The following AFF3 variants were observed in gnomAD, a reference collection of about 807,000 sequenced individuals.
The protein encoded by AFF3 is AF4/FMR2 family member 3.
In AFF3, 32 loss-of-function variants were observed where a neutral mutation model predicts 129.7. The ratio of observed to expected loss-of-function variants is 0.25; its 90% CI spans 0.19 to 0.33. AFF3 has a LOEUF of 0.33. Ranked by LOEUF, AFF3 falls within the 10% of genes least tolerant of loss-of-function variation. The probability of loss-of-function intolerance (pLI) is 1.00; values close to 1 mark genes in which losing one functional copy is unlikely to be tolerated. For synonymous variants in AFF3, 644 were observed against 635.4 expected (o/e 1.01, Z -0.20); for missense variants, 1,373 against 1,592.0 (o/e 0.86, Z 2.34).
rs1275240173 is a variant in AFF3, at chr2:99,601,572, C to T, written c.1234G>A (p.Gly412Ser). The T allele has an allele frequency of 1.9e-6, 3 of 1,600,030 alleles. No homozygotes were observed. The highest frequency in any genetic ancestry group is 2.6e-6 in the Non-Finnish European group (3 of 1,176,370). The change falls in exon 14 of 25, where the codon GGC becomes AGC. Residue 412 changes from glycine (G) to serine (S), a missense_variant. By Grantham distance (56) the Gly-to-Ser change is moderately conservative (BLOSUM62 0). This residue lies in a region of AFF3 where 413 missense variants were observed against 424.4 expected (regional missense o/e 0.97). Coordinates refer to ENST00000672756, the MANE Select transcript of AFF3 (RefSeq NM_001386135.1). ...CCGCTGCTGCTGCTGCTGCTGCTGC[C>T]CTTGCTGGAAGGCACCGAGGTTCTG... is the stretch of plus-strand genomic sequence containing the variant. ...NCRTSVPSSKGSSSSSSSGSS... is the reference protein window; with the variant it reads ...NCRTSVPSSKSSSSSSSSGSS...
rs113658725 is a variant in AFF3 at position 99,547,921 on chromosome 2, C to T, written c.*3553G>A. 70 of 212,078 alleles carry T rather than the reference C, an allele frequency of 3.3e-4. No individual in the cohort carries two copies. The Middle Eastern group carries it at 4.6e-3, about 14-fold the overall frequency. The allele number at this position is 212,078 out of a possible 1,614,324, so 13.1% of individuals were successfully genotyped here. On this transcript the variant is annotated 3_prime_UTR_variant, in exon 25 of 25. Coordinates refer to ENST00000672756, the MANE Select transcript of AFF3 (RefSeq NM_001386135.1). ...TGCATTCCATGTGTTCAATCTAGTA[C>T]ACAATTTGTCAACTCTTCAGATTAT... is the stretch of plus-strand genomic sequence containing the variant.
At chr2:99,882,955 G>A (rs956930280) in intron 7 of AFF3, among the ~76,000 whole-genome samples, 4 of 152,156 alleles carry the variant, frequency 2.6e-5, no homozygotes, top group East Asian at 1.9e-4. Context: ...TGAAGTGAAC[G>A]TTACTTCTAA....
chr2:99,659,363 C>G (rs1001257452), intron 12 of AFF3, among the ~76,000 whole-genome samples: 1 of 152,206 alleles, frequency 6.6e-6, no homozygotes, highest in Non-Finnish European at 1.5e-5. Flanking sequence ...GAGTAGCCAT[C>G]AGACCCAACG....
intron 13 of AFF3, among the ~76,000 whole-genome samples, chr2:99,618,893 G>GATTCATTC (rs112677518): frequency 0.25 from 36,957 of 149,812 alleles, 4,966 homozygotes; most frequent in African/African-American, 0.34. Context: ...AGCTCTGATC[G>GATTCATTC]ATTCATTCAT....
intron 8 of AFF3, among the ~76,000 whole-genome samples, chr2:99,777,855 G>GCCTGTACACCCTGTACACC (rs1453504588): frequency 6.7e-6 from 1 of 148,256 alleles, no homozygotes; most frequent in African/African-American, 2.5e-5. Context: ...TGCGCCACAG[G>GCCTGTACACCCTGTACACC]CTGTGTCCTG....
intron 4 of AFF3, among the ~76,000 whole-genome samples, chr2:100,069,000 G>C (rs1017646672): frequency 1.3e-5 from 2 of 152,062 alleles, no homozygotes; most frequent in African/African-American, 4.8e-5. Flanking sequence ...GTGCAGGTCT[G>C]TTATACAGTA....
intron 8 of AFF3, among the ~76,000 whole-genome samples, chr2:99,793,342 G>A (rs77847896): frequency 0.012 from 1,809 of 152,238 alleles, 46 homozygotes; most frequent in African/African-American, 0.042. Context: ...GCAGAACCCC[G>A]AGCCCAAACA....
intron 7 of AFF3, among the ~76,000 whole-genome samples, chr2:99,916,710 G>A (rs181894272): frequency 9.2e-5 from 14 of 152,112 alleles, no homozygotes; most frequent in Admixed American, 2.0e-4. Flanking sequence ...CTCCAGTCAC[G>A]TCCTGAGAAC....
chr2:99,977,925 C>T (rs1576468644), intron 7 of AFF3, among the ~76,000 whole-genome samples: 1 of 152,324 alleles, frequency 6.6e-6, no homozygotes, highest in African/African-American at 2.4e-5. Flanking sequence ...GAAAGAACTC[C>T]ATACTCACAA....
At chr2:99,733,601 T>TA (rs1379807459) in intron 10 of AFF3, among the ~76,000 whole-genome samples, 1 of 152,176 alleles carries the variant, frequency 6.6e-6, no homozygotes, top group African/African-American at 2.4e-5. Context: ...TACTGATTTT[T>TA]AAAAAATACC....
chr2:99,564,694 T>C (rs1183296943), intron 20 of AFF3, among the ~76,000 whole-genome samples: 1 of 152,210 alleles, frequency 6.6e-6, no homozygotes, highest in African/African-American at 2.4e-5. Context: ...AAATCTTCCA[T>C]GCAGAATGTT....
At chr2:100,022,395 T>C (rs1318943759) in intron 4 of AFF3, among the ~76,000 whole-genome samples, 1 of 152,198 alleles carries the variant, frequency 6.6e-6, no homozygotes, top group Non-Finnish European at 1.5e-5. Flanking sequence ...TTCCCTTTTT[T>C]TCTTTTCCTC....
intron 7 of AFF3, among the ~76,000 whole-genome samples, chr2:99,956,443 G>T (rs550012111): frequency 1.3e-5 from 2 of 152,214 alleles, no homozygotes; most frequent in South Asian, 4.2e-4. Flanking sequence ...GAAGTTGGAG[G>T]GGGGGGCTGT....
At chr2:99,737,667 C>CATTTAT (rs1680372453) in intron 10 of AFF3, among the ~76,000 whole-genome samples, 4 of 147,842 alleles carry the variant, frequency 2.7e-5, no homozygotes, top group Admixed American at 2.7e-4. Flanking sequence ...CCTTGGTATT[C>CATTTAT]ACTGGGTTTC....
intron 12 of AFF3, among the ~76,000 whole-genome samples, chr2:99,666,405 A>G (rs1686680188): frequency 6.6e-6 from 1 of 152,230 alleles, no homozygotes; most frequent in Non-Finnish European, 1.5e-5. Flanking sequence ...AAAAAGCTGT[A>G]CAAAGAGATA....
In AFF3 at chr2:99,578,401, C is replaced by T. The variant is rs751111814; in HGVS notation, c.2844G>A (p.Pro948=). The T allele has an allele frequency of 1.3e-5, 21 of 1,611,020 alleles. No individual in the cohort carries two copies. The highest frequency in any genetic ancestry group is 5.5e-5 in the South Asian group (5 of 90,266). Residue 948 remains proline (P), a synonymous_variant, in exon 18 of 25, where the codon CCG becomes CCA. Transcript: ENST00000672756. ...AGCCTGGAGACCACGGCTTCGTCTG[C>T]GGCCGTGACTTGTGGAGGGGAATGT... The part of the protein sequence containing the change: ...SENIPLHKSR[P]QTKPWSPGSN...
chr2:99,546,236 G>A lies in AFF3; in HGVS notation c.*5238C>T. 2 of 232,018 alleles carry A rather than the reference G, an allele frequency of 8.6e-6. No homozygotes were observed. The highest frequency in any genetic ancestry group is 1.2e-4 in the East Asian group (2 of 16,456). The allele number at this position is 232,018 out of a possible 1,614,324, so 14.4% of individuals were successfully genotyped here. The stretch of plus-strand genomic sequence containing the variant: ...AGCAGGCAAAGCTACAGAAGAGAAC[G>A]TTCTTGAAAGACTGCTGGGTGTTTC... On this transcript the variant is annotated 3_prime_UTR_variant, in exon 25 of 25. Coordinates refer to ENST00000672756, the MANE Select transcript of AFF3 (RefSeq NM_001386135.1).
intron 18 of AFF3, among the ~76,000 whole-genome samples, chr2:99,572,322 G>T (rs114087324): frequency 0.2 from 21,701 of 110,884 alleles, 2,109 homozygotes; most frequent in East Asian, 0.4. Flanking sequence ...GAAACACACG[G>T]TCTTGGTTCT....
At chr2:99,668,968 C>A (rs1323796309) in intron 12 of AFF3, among the ~76,000 whole-genome samples, 3 of 152,148 alleles carry the variant, frequency 2.0e-5, no homozygotes, top group Non-Finnish European at 4.4e-5. Context: ...TAGCCAAAGA[C>A]AGTATAAAAC....
Sources: gnomAD v4.1 joint callset for allele counts (sites outside exome capture counted in the v4.1 genomes callset) on GRCh38, gnomAD v4.1.1 for gene constraint, gnomAD v4.1.1 regional missense constraint, MANE v1.5 for transcripts, NCBI Gene and HGNC (gene_info 2026-07-23, HGNC 2026-07-21) for gene names.